PUM1: variants seen among roughly 807,000 people sequenced by gnomAD.
PUM1 encodes pumilio RNA binding family member 1.
PUM1 carries 13 observed loss-of-function variants against 131.8 expected under a neutral mutation model. The observed-to-expected ratio is 0.10, with a 90% CI of 0.06 to 0.16. PUM1 has a LOEUF of 0.16. Ranked by LOEUF, PUM1 falls within the 10% of genes least tolerant of loss-of-function variation. The pLI, the probability that PUM1 is intolerant of heterozygous loss-of-function variation, is 1.00. For synonymous variants in PUM1, 509 were observed against 556.5 expected (o/e 0.91, Z 1.20); for missense variants, 961 against 1,512.4 (o/e 0.64, Z 6.05).
At position 30,953,911 on chromosome 1, in the gene PUM1, T is replaced by C; in HGVS notation, c.2394A>G (p.Ala798=). The change falls in exon 15 of 22, where the codon GCA becomes GCG. Residue 798 remains alanine, a synonymous_variant. Transcript: ENST00000426105. ...GGCTGAAGAGGCTGGAGGCGCTGCT[T>C]GCACTGCGGTACTTGGCTTCAGCGC... ...APGAEAKYRS[A]SSASSLFSPS... 3.1e-6 allele frequency: 5 copies of C among 1,614,248 alleles called. No individual in the cohort carries two copies. The highest frequency in any genetic ancestry group is 1.1e-5 in the South Asian group (1 of 91,082).
At chr1:30,953,676 A>G in intron 15 of PUM1, 38 bp downstream of exon 15, 1 of 1,609,062 alleles carries the variant, frequency 6.2e-7, no homozygotes, top group Non-Finnish European at 8.5e-7. Flanking sequence ...AGGCATTACA[A>G]TTTCGGGTAC....
intron 14 of PUM1, among the ~76,000 whole-genome samples, chr1:30,956,597 C>G (rs1640176186): frequency 1.3e-5 from 2 of 152,120 alleles, no homozygotes; most frequent in African/African-American, 2.4e-5. Context: ...AGAAACAATT[C>G]TGTCTTACCT....
At chr1:30,937,486 C>G (rs1255765836) in intron 20 of PUM1, among the ~76,000 whole-genome samples, 1 of 152,068 alleles carries the variant, frequency 6.6e-6, no homozygotes, top group Non-Finnish European at 1.5e-5. Context: ...GCCTGAGCGA[C>G]AGAGCAAGAC....
At chr1:31,022,566 T>C (rs1467217885) in intron 3 of PUM1, among the ~76,000 whole-genome samples, 1 of 152,258 alleles carries the variant, frequency 6.6e-6, no homozygotes, top group Non-Finnish European at 1.5e-5. Context: ...AAATCAGTTA[T>C]GACCACATTT....
intron 5 of PUM1, among the ~76,000 whole-genome samples, chr1:31,002,263 G>A (rs1222916205): frequency 6.6e-6 from 1 of 152,034 alleles, no homozygotes. Flanking sequence ...CAAGTTTCAC[G>A]GCCCAAATAG....
chr1:31,029,867 T>G lies in PUM1; in HGVS notation c.364-1003A>C, dbSNP rs567387304. On this transcript the variant is annotated intron_variant, in intron 2 of 21. Transcript: ENST00000426105. Reference sequence around the variant, plus strand: ...AGCTAGAGGCTGCAGTGAGCCGTGATCGCACCACTGGACTCCAATCTAGGT... The same window carrying G: ...AGCTAGAGGCTGCAGTGAGCCGTGAGCGCACCACTGGACTCCAATCTAGGT... Among the ~76,000 whole-genome samples, 5 of 147,248 alleles carry G rather than the reference T, an allele frequency of 3.4e-5. No individual in the cohort carries two copies. The East Asian group carries it at 9.9e-4, about 29-fold the overall frequency.
intron 7 of PUM1, chr1:30,982,142 T>C (rs1391866612): frequency 1.3e-5 from 2 of 152,160 alleles, no homozygotes. Flanking sequence ...AAAACTTGGA[T>C]TATGAGCTCA....
intron 2 of PUM1, among the ~76,000 whole-genome samples, chr1:31,033,376 C>CTT (rs748444500): frequency 0.029 from 2,955 of 102,180 alleles, 319 homozygotes; most frequent in East Asian, 0.17. Flanking sequence ...AGCTAATTTT[C>CTT]TTTTTTTTTT....
At chr1:31,019,061 A>C (rs1570283347) in intron 3 of PUM1, among the ~76,000 whole-genome samples, 1 of 152,228 alleles carries the variant, frequency 6.6e-6, no homozygotes, top group Non-Finnish European at 1.5e-5. Flanking sequence ...TTTAAATTTT[A>C]GGACAACCAG....
At chr1:30,999,571 C>T (rs1642119276) in intron 5 of PUM1, among the ~76,000 whole-genome samples, 1 of 127,166 alleles carries the variant, frequency 7.9e-6, no homozygotes, top group South Asian at 2.6e-4. Flanking sequence ...CACACTGCTG[C>T]ACTCCAGCCT....
At chr1:30,941,051 A>G (rs1639421826) in intron 20 of PUM1, 100 bp downstream of exon 20, 15 of 1,175,196 alleles carry the variant, frequency 1.3e-5, no homozygotes, top group Non-Finnish European at 1.7e-5. Context: ...TACTTTGAAA[A>G]CAACAACAAC....
At chr1:31,043,455 G>A (rs1337733140) in intron 2 of PUM1, among the ~76,000 whole-genome samples, 1 of 151,654 alleles carries the variant, frequency 6.6e-6, no homozygotes, top group Non-Finnish European at 1.5e-5. Context: ...CCTGACCTCA[G>A]GTGATCCACC....
chr1:31,008,989 C>T (rs1642493099), intron 3 of PUM1, among the ~76,000 whole-genome samples: 1 of 146,084 alleles, frequency 6.8e-6, no homozygotes, highest in Admixed American at 6.8e-5. Context: ...CTGGCTAACA[C>T]AGCGAAACCC....
chr1:30,937,612 A>C (rs1183360826), intron 20 of PUM1, among the ~76,000 whole-genome samples: 1 of 151,976 alleles, frequency 6.6e-6, no homozygotes, highest in Non-Finnish European at 1.5e-5. Context: ...TTAAGTAAAA[A>C]TAGAAATTTT....
chr1:30,951,765 C>A (rs1344288940), intron 16 of PUM1, among the ~76,000 whole-genome samples: 1 of 152,202 alleles, frequency 6.6e-6, no homozygotes, highest in East Asian at 1.9e-4. Context: ...GCCAAACGAT[C>A]AGCCAAGAAG....
intron 14 of PUM1, among the ~76,000 whole-genome samples, chr1:30,958,952 G>A (rs1371912541): frequency 1.3e-5 from 2 of 152,052 alleles, no homozygotes; most frequent in Non-Finnish European, 2.9e-5. Context: ...GGGGAAGATG[G>A]GAGAGGAAGA....
chr1:31,046,115 G>T (rs375389114), intron 2 of PUM1, among the ~76,000 whole-genome samples: 1 of 150,182 alleles, frequency 6.7e-6, no homozygotes, highest in Admixed American at 6.7e-5. Context: ...GGCTGGGGGC[G>T]GTAGCTCACG....
chr1:30,977,367 T>C (rs1334946178), intron 9 of PUM1, among the ~76,000 whole-genome samples: 1 of 152,182 alleles, frequency 6.6e-6, no homozygotes, highest in East Asian at 1.9e-4. Context: ...GAATGAGTGG[T>C]TGCAACCTGC....
chr1:30,962,241 CAAGA>C (rs1292849400), intron 14 of PUM1, among the ~76,000 whole-genome samples: 1 of 152,060 alleles, frequency 6.6e-6, no homozygotes, highest in Non-Finnish European at 1.5e-5. Flanking sequence ...AGTCATTTGA[CAAGA>C]AATAACTCAC....
Sources: gnomAD v4.1 joint callset for allele counts (sites outside exome capture counted in the v4.1 genomes callset) on GRCh38, gnomAD v4.1.1 for gene constraint, MANE v1.5 for transcripts, NCBI Gene and HGNC (gene_info 2026-07-23, HGNC 2026-07-21) for gene names.